The following PCDH11X variants were observed in gnomAD, a reference collection of about 807,000 sequenced individuals.
PCDH11X encodes protocadherin 11 X-linked, also known as protocadherin-11 X-linked.
A neutral mutation model predicts 53.3 loss-of-function variants in PCDH11X; 18 were observed. That is an observed-to-expected ratio of 0.34 (90% confidence interval 0.23 to 0.50). PCDH11X has a LOEUF of 0.50. PCDH11X is among the 20% of genes least tolerant of loss of function. The pLI is 0.98. For missense variants in PCDH11X, 570 were observed against 1,032.4 expected (o/e 0.55, Z 6.14); for synonymous variants, 279 against 393.3 (o/e 0.71, Z 3.44).
At chrX:92,177,592 G>C (rs1329158744) in intron 6 of PCDH11X, among the ~76,000 whole-genome samples, 1 of 111,350 alleles carries the variant, frequency 9.0e-6, no homozygotes, top group Non-Finnish European at 1.9e-5. Flanking sequence ...TCTGGGGCCG[G>C]CCTGTATAAA....
At chrX:92,354,751 A>G (rs1341899068) in intron 8 of PCDH11X, among the ~76,000 whole-genome samples, 2 of 111,689 alleles carry the variant, frequency 1.8e-5, no homozygotes, top group African/African-American at 6.5e-5. Context: ...GAGAAAATGA[A>G]ATATTTGAAA....
At chrX:92,177,850 A>T (rs192566651) in intron 6 of PCDH11X, among the ~76,000 whole-genome samples, 2 of 110,918 alleles carry the variant, frequency 1.8e-5, no homozygotes, top group African/African-American at 6.5e-5. Flanking sequence ...AAAATTATAT[A>T]TTAATGATAA....
intron 6 of PCDH11X, among the ~76,000 whole-genome samples, chrX:91,988,836 T>G (rs1363587835): frequency 9.0e-6 from 1 of 111,731 alleles, no homozygotes; most frequent in African/African-American, 3.3e-5. Flanking sequence ...CCAAAGAGAA[T>G]GATTATACTA....
chrX:91,921,646 A>ATT (rs142134686), intron 6 of PCDH11X, among the ~76,000 whole-genome samples: 1 of 94,019 alleles, frequency 1.1e-5, no homozygotes, highest in African/African-American at 3.9e-5. Flanking sequence ...TTGATAGATC[A>ATT]TTTTTTTTTT....
chrX:92,208,889 C>T (rs1039356860), intron 7 of PCDH11X, among the ~76,000 whole-genome samples: 3 of 110,440 alleles, frequency 2.7e-5, no homozygotes, highest in Non-Finnish European at 5.7e-5. Context: ...ACAATCATGG[C>T]AGAAGGTGAA....
intron 8 of PCDH11X, among the ~76,000 whole-genome samples, chrX:92,271,345 G>A (rs1450563487): frequency 1.8e-5 from 2 of 112,089 alleles, no homozygotes; most frequent in South Asian, 3.7e-4. Context: ...TAACAGTGCA[G>A]GATGTTCAGG....
intron 8 of PCDH11X, among the ~76,000 whole-genome samples, chrX:92,278,081 C>A (rs1039208437): frequency 5.5e-5 from 6 of 110,028 alleles, no homozygotes; most frequent in African/African-American, 2.0e-4. Context: ...AACGTGTCTC[C>A]TTTGTCTCTA....
At position 92,139,019 on chromosome X, in the gene PCDH11X, T is replaced by G. The variant is rs1435177298; in HGVS notation, c.3034-62356T>G. Among the ~76,000 whole-genome samples, 3 of 107,817 alleles carry G rather than the reference T, an allele frequency of 2.8e-5. No individual in the cohort carries two copies. The Admixed American group carries it at 3.1e-4, about 11-fold the overall frequency. 93.6% of individuals were successfully genotyped at this position (107,817 alleles called of 115,157 possible). A position where few individuals can be genotyped will look rare whatever the true frequency, so the allele number is the denominator to read the frequency against. On this transcript the variant is annotated intron_variant, in intron 6 of 10. Coordinates refer to ENST00000682573, the MANE Select transcript of PCDH11X (RefSeq NM_032968.5). Reference sequence around the variant, plus strand: ...AATGTTCAATCTAGGATGCAAATGTTTTGGCTAATTGTTAATGGCAATAGC... The same window carrying G: ...AATGTTCAATCTAGGATGCAAATGTGTTGGCTAATTGTTAATGGCAATAGC...
intron 1 of PCDH11X, among the ~76,000 whole-genome samples, chrX:91,809,105 T>G (rs1261094011): frequency 9.2e-6 from 1 of 108,765 alleles, no homozygotes; most frequent in Non-Finnish European, 1.9e-5. Flanking sequence ...TCTTCTGTCT[T>G]TGCCTTATCT....
intron 10 of PCDH11X, among the ~76,000 whole-genome samples, chrX:92,496,969 G>A (rs2073870954): frequency 9.0e-6 from 1 of 110,801 alleles, no homozygotes; most frequent in African/African-American, 3.3e-5. Flanking sequence ...GTGTTCCATA[G>A]CACTCTGAGA....
chrX:92,509,139 A>G (rs750471860), intron 10 of PCDH11X, among the ~76,000 whole-genome samples: 2 of 103,964 alleles, frequency 1.9e-5, no homozygotes, highest in African/African-American at 6.9e-5. Flanking sequence ...AGTTACAGAA[A>G]GCAGCAGTTG....
At position 92,052,257 on chromosome X, in the gene PCDH11X, C is replaced by T. The variant is rs776107114; in HGVS notation, c.3034-149118C>T. 2.7e-5 allele frequency among the ~76,000 whole-genome samples: 3 copies of T among 109,674 alleles called. No homozygotes were observed. In the South Asian group the frequency reaches 1.2e-3, roughly 43 times the overall value. ...CAATATTTTTCAAAAATGTTGAATA[C>T]TGCAGGAAAAACAAATGCAATCCCA... On this transcript the variant is annotated intron_variant, in intron 6 of 10. Transcript: ENST00000682573.
chrX:91,821,809 T>G (rs1450489366), intron 4 of PCDH11X, among the ~76,000 whole-genome samples: 1 of 99,823 alleles, frequency 1.0e-5, no homozygotes, highest in Admixed American at 1.0e-4. Flanking sequence ...TGGCTGTGGG[T>G]TTGTCATAGA....
Position 91,878,959 on chromosome X carries a change from C to G in PCDH11X, c.2719C>G (p.Leu907Val). 1 of 1,211,506 alleles carries G rather than the reference C, an allele frequency of 8.3e-7. No individual in the cohort carries two copies. ...TGATGGAAACAGAGTCACACTAGAC[C>G]TTCCTATTGATCTAGAAGAGCAAAC... ...DSDGNRVTLD[L>V]PIDLEEQTMG... is the part of the protein sequence containing the mutation. The change falls in exon 6 of 11, where the codon CTT becomes GTT. Residue 907 changes from leucine (L) to valine (V), a missense_variant. Physicochemically the swap from Leu to Val is conservative, Grantham distance 32. Around this residue, in one of 6 missense-constraint regions of PCDH11X, gnomAD observed 226 missense variants for 457.5 expected, o/e 0.49. Coordinates refer to ENST00000682573, the MANE Select transcript of PCDH11X (RefSeq NM_032968.5).
At chrX:91,907,568 G>A (rs1364278109) in intron 6 of PCDH11X, among the ~76,000 whole-genome samples, 1 of 108,131 alleles carries the variant, frequency 9.2e-6, no homozygotes, top group Non-Finnish European at 1.9e-5. Flanking sequence ...GTCAAGGACA[G>A]CCATATATAC....
At chrX:92,505,152 C>CTTTT (rs58620449) in intron 10 of PCDH11X, among the ~76,000 whole-genome samples, 19 of 64,251 alleles carry the variant, frequency 3.0e-4, no homozygotes, top group African/African-American at 4.6e-4. Context: ...TTTCTTTTTT[C>CTTTT]TTTTTTTTTT....
chrX:91,834,218 A>T (rs1281950031), intron 4 of PCDH11X, among the ~76,000 whole-genome samples: 4 of 111,548 alleles, frequency 3.6e-5, no homozygotes, highest in Non-Finnish European at 7.5e-5. Context: ...TTAATATATA[A>T]ACTTGAGAAT....
intron 8 of PCDH11X, among the ~76,000 whole-genome samples, chrX:92,290,061 G>A (rs1358228820): frequency 4.5e-5 from 5 of 111,420 alleles, no homozygotes; most frequent in African/African-American, 6.5e-5. Context: ...CTGCAATTTC[G>A]ATCAAATAAT....
At chrX:92,270,792 T>A (rs1217996682) in intron 8 of PCDH11X, among the ~76,000 whole-genome samples, 1 of 112,291 alleles carries the variant, frequency 8.9e-6, no homozygotes, top group Non-Finnish European at 1.9e-5. Flanking sequence ...TCTATGGAGC[T>A]ATTTAACCTT....
Sources: gnomAD v4.1 joint callset for allele counts (sites outside exome capture counted in the v4.1 genomes callset) on GRCh38, gnomAD v4.1.1 for gene constraint, gnomAD v4.1.1 regional missense constraint, MANE v1.5 for transcripts, NCBI Gene and HGNC (gene_info 2026-07-23, HGNC 2026-07-21) for gene names.